The following ZSWIM6 variants were observed in gnomAD, a reference collection of about 807,000 sequenced individuals.
ZSWIM6 encodes zinc finger SWIM-type containing 6.
ZSWIM6 carries 9 observed loss-of-function variants against 113.2 expected under a neutral mutation model. The observed-to-expected ratio is 0.08, with a 90% confidence interval of 0.05 to 0.14. ZSWIM6 has a LOEUF of 0.14. Ranked by LOEUF, ZSWIM6 falls within the 10% of genes least tolerant of loss-of-function variation. The pLI, the probability that ZSWIM6 is intolerant of heterozygous loss-of-function variation, is 1.00. For synonymous variants in ZSWIM6, 611 were observed against 606.5 expected (o/e 1.01, Z -0.11); for missense variants, 1,162 against 1,552.2 (o/e 0.75, Z 4.22).
chr5:61,521,159 A>G (rs1749111294), intron 4 of ZSWIM6, 104 bp from the exon 5 acceptor site: 1 of 631,318 alleles, frequency 1.6e-6, no homozygotes, highest in African/African-American at 1.9e-5. Flanking sequence ...TTAAATATAT[A>G]AATTACATTT....
chr5:61,535,176 A>G (rs781332765), intron 9 of ZSWIM6, among the ~76,000 whole-genome samples: 5 of 152,162 alleles, frequency 3.3e-5, no homozygotes, highest in Non-Finnish European at 7.4e-5. Context: ...CAAATGCAGC[A>G]AGGTTTTACG....
intron 1 of ZSWIM6, among the ~76,000 whole-genome samples, chr5:61,367,945 G>A (rs36069847): frequency 0.12 from 18,074 of 151,798 alleles, 1,149 homozygotes; most frequent in Middle Eastern, 0.16. Flanking sequence ...AACATAGGGA[G>A]GCCTCCATCT....
intron 1 of ZSWIM6, among the ~76,000 whole-genome samples, chr5:61,359,437 G>A (rs939511923): frequency 6.6e-6 from 1 of 152,156 alleles, no homozygotes; most frequent in Non-Finnish European, 1.5e-5. Context: ...TAGGGCACCT[G>A]TAGAATGACC....
At chr5:61,346,239 C>T (rs1043851120) in intron 1 of ZSWIM6, among the ~76,000 whole-genome samples, 7 of 152,160 alleles carry the variant, frequency 4.6e-5, no homozygotes, top group Non-Finnish European at 1.0e-4. Flanking sequence ...CGGTAGCCAC[C>T]GTGCCTGGCC....
chr5:61,439,994 C>G (rs1476197483), intron 1 of ZSWIM6, among the ~76,000 whole-genome samples: 1 of 151,972 alleles, frequency 6.6e-6, no homozygotes, highest in Non-Finnish European at 1.5e-5. Flanking sequence ...AATGCCAAAT[C>G]ATGACTTAGT....
chr5:61,366,580 C>T (rs1745157957), intron 1 of ZSWIM6, among the ~76,000 whole-genome samples: 1 of 152,174 alleles, frequency 6.6e-6, no homozygotes, highest in Non-Finnish European at 1.5e-5. Flanking sequence ...GAAAGTTTAG[C>T]CTTCTAGTTT....
At chr5:61,348,165 G>A (rs1185068156) in intron 1 of ZSWIM6, among the ~76,000 whole-genome samples, 1 of 152,202 alleles carries the variant, frequency 6.6e-6, no homozygotes, top group Non-Finnish European at 1.5e-5. Context: ...AGCTTGCAGT[G>A]AGCTGAGATC....
intron 5 of ZSWIM6, among the ~76,000 whole-genome samples, chr5:61,524,866 T>G (rs1293718342): frequency 1.3e-5 from 2 of 152,244 alleles, no homozygotes; most frequent in Non-Finnish European, 2.9e-5. Flanking sequence ...TGCTAAAGTT[T>G]GTGCCACAGT....
intron 2 of ZSWIM6, among the ~76,000 whole-genome samples, chr5:61,474,610 C>T (rs1747660775): frequency 6.6e-6 from 1 of 152,162 alleles, no homozygotes; most frequent in African/African-American, 2.4e-5. Flanking sequence ...CACGTCACAA[C>T]ATAGCTCAAA....
At chr5:61,377,381 A>G (rs544096287) in intron 1 of ZSWIM6, among the ~76,000 whole-genome samples, 72 of 152,208 alleles carry the variant, frequency 4.7e-4, no homozygotes, top group Non-Finnish European at 9.7e-4. Flanking sequence ...TTTTCTTGAC[A>G]TAAAACCCTG....
intron 1 of ZSWIM6, among the ~76,000 whole-genome samples, chr5:61,407,797 A>G (rs1746072660): frequency 1.3e-5 from 2 of 152,204 alleles, no homozygotes; most frequent in Non-Finnish European, 2.9e-5. Context: ...TTTTTCACAG[A>G]TCTGTTTTCT....
chr5:61,345,990 A>ACTG (rs969592609), intron 1 of ZSWIM6, among the ~76,000 whole-genome samples: 132 of 152,156 alleles, frequency 8.7e-4, no homozygotes, highest in African/African-American at 3.0e-3. Context: ...TGTGGCCCAG[A>ACTG]CTGGAGTGCA....
At chr5:61,377,934 G>A (rs1231502485) in intron 1 of ZSWIM6, among the ~76,000 whole-genome samples, 1 of 152,190 alleles carries the variant, frequency 6.6e-6, no homozygotes. Flanking sequence ...TGATTTATAA[G>A]AGAAATGAAA....
At chr5:61,523,585 A>T (rs536675077) in intron 5 of ZSWIM6, among the ~76,000 whole-genome samples, 1 of 152,264 alleles carries the variant, frequency 6.6e-6, no homozygotes, top group African/African-American at 2.4e-5. Context: ...TTTATCATTT[A>T]AAAAAATTGC....
At chr5:61,526,218 G>T (rs887707348) in intron 6 of ZSWIM6, 32 bp from the exon 7 acceptor site, 50 of 1,523,910 alleles carry the variant, frequency 3.3e-5, no homozygotes, top group Non-Finnish European at 4.0e-5. Context: ...ATCTGACAGT[G>T]GCAACTTTAC....
intron 1 of ZSWIM6, among the ~76,000 whole-genome samples, chr5:61,427,410 C>T (rs1048455656): frequency 6.6e-6 from 1 of 152,276 alleles, no homozygotes; most frequent in South Asian, 2.1e-4. Context: ...CACATGAATT[C>T]AATGTAGTAC....
At chr5:61,436,009 C>T (rs1746698193) in intron 1 of ZSWIM6, among the ~76,000 whole-genome samples, 1 of 152,054 alleles carries the variant, frequency 6.6e-6, no homozygotes. Flanking sequence ...CAAGACCAGC[C>T]TGACCAACAT....
At chr5:61,513,513 T>G (rs993516087) in intron 4 of ZSWIM6, among the ~76,000 whole-genome samples, 1 of 152,262 alleles carries the variant, frequency 6.6e-6, no homozygotes, top group South Asian at 2.1e-4. Flanking sequence ...CTTTTATGGG[T>G]CATGCTTTTG....
At chr5:61,393,659 A>C (rs538777491) in intron 1 of ZSWIM6, among the ~76,000 whole-genome samples, 1 of 150,684 alleles carries the variant, frequency 6.6e-6, no homozygotes, top group South Asian at 2.1e-4. Context: ...AATCACTTGA[A>C]CTCGGGGGGC....
Sources: gnomAD v4.1 joint callset for allele counts (sites outside exome capture counted in the v4.1 genomes callset) on GRCh38, gnomAD v4.1.1 for gene constraint, MANE v1.5 for transcripts, NCBI Gene and HGNC (gene_info 2026-07-23, HGNC 2026-07-21) for gene names.